Variants in ATPAF1 observed in about 807,000 individuals in gnomAD.
ATPAF1 encodes ATP synthase mitochondrial F1 complex assembly factor 1.
A neutral mutation model predicts 43.9 loss-of-function variants in ATPAF1; 26 were observed. The ratio of observed to expected loss-of-function variants is 0.59; its 90% CI spans 0.43 to 0.82. The LOEUF (loss-of-function observed/expected upper bound fraction) is 0.82, where lower values mean the gene tolerates loss of function less well. ATPAF1 is among the 40% of genes least tolerant of loss of function. ATPAF1 has a pLI of 0.00. For missense variants in ATPAF1, 366 were observed against 435.0 expected, an observed-to-expected ratio of 0.84 and a Z score of 1.41; for synonymous variants, 157 against 168.0, an observed-to-expected ratio of 0.93 and a Z score of 0.50.
At chr1:46,642,076 A>G (rs1261444089) in intron 8 of ATPAF1, among the ~76,000 whole-genome samples, 1 of 152,176 alleles carries the variant, frequency 6.6e-6, no homozygotes, top group African/African-American at 2.4e-5. Flanking sequence ...TTCCTCCTGC[A>G]ATCTTGCCTA....
At chr1:46,649,116 C>G in intron 6 of ATPAF1, among the ~76,000 whole-genome samples, 1 of 134,460 alleles carries the variant, frequency 7.4e-6, no homozygotes, top group Admixed American at 8.3e-5. Flanking sequence ...GAGCTGAGAT[C>G]ATACTACATT....
chr1:46,643,967 GACTTTATC>G (rs1167540159), intron 7 of ATPAF1, among the ~76,000 whole-genome samples: 1 of 152,094 alleles, frequency 6.6e-6, no homozygotes, highest in Non-Finnish European at 1.5e-5. Context: ...AAGATTCCTA[GACTTTATC>G]TCTAAAATTT....
At chr1:46,658,226 T>TAAAAAAAAAAA in intron 3 of ATPAF1, 37 bp from the exon 4 acceptor site, 2 of 1,145,160 alleles carry the variant, frequency 1.7e-6, no homozygotes. Context: ...AACACATAAT[T>TAAAAAAAAAAA]AAAAAAAAAA....
chr1:46,664,006 T>C, intron 2 of ATPAF1: 1 of 812,974 alleles, frequency 1.2e-6, no homozygotes, highest in South Asian at 1.7e-5. Flanking sequence ...TGAAAGAGAA[T>C]AAAAAGTAAT....
chr1:46,635,445 G>A (rs2181411), exon 9 of ATPAF1: 5 of 246,274 alleles, frequency 2.0e-5, no homozygotes, highest in Non-Finnish European at 3.2e-5. Context: ...GGAGCTATAA[G>A]GTCAAAGTGG....
chr1:46,668,105 G>A lies in ATPAF1; in HGVS notation c.218C>T (p.Ala73Val). The stretch of plus-strand genomic sequence containing the variant: ...GCGGTAGCGGTCGTAGAAAGGGTTG[G>A]CCTGGAGCTCGGCCTCGGCCCCGAC... Residue 73 changes from alanine to valine, a missense_variant, in exon 1 of 9, where the codon GCC (alanine) becomes GTC (valine). Physicochemically the swap from Ala to Val is moderately conservative, Grantham distance 64. Around this residue, in one of 2 missense-constraint regions of ATPAF1, gnomAD observed 186 missense variants for 168.5 expected, o/e 1.10. Transcript: ENST00000574428. This position sits in a 1 kb window ranked among gnomAD's most constrained non-coding sequence, Gnocchi z 4.4. The A allele has an allele frequency of 2.1e-6, 3 of 1,449,464 alleles. 1 individual carries two copies. Among genetic ancestry groups the A allele is most frequent in the South Asian group, 2.8e-5 (2 of 72,290 alleles). 89.8% of individuals were successfully genotyped at this position (1,449,464 alleles called of 1,614,324 possible).
In ATPAF1 at chr1:46,653,868, C is replaced by G. The variant is rs1002586088; in HGVS notation, c.490-1G>C. ...TTGCTGCAAAATATTGCTGCCAAAT[C>G]TGTACAAAAAAGAGAGGGGTGTCTG... On this transcript the variant is annotated splice_acceptor_variant, in intron 4 of 8. Transcript: ENST00000574428. LOFTEE classifies it high-confidence loss of function. The surrounding 1 kb of genome is among the most constrained non-coding windows in gnomAD (Gnocchi z 4.8). 1 of 1,610,422 alleles carries G rather than the reference C, an allele frequency of 6.2e-7. No individual in the cohort carries two copies. Among genetic ancestry groups the G allele is most frequent in the Non-Finnish European group, 8.5e-7 (1 of 1,178,536 alleles).
At position 46,653,998 on chromosome 1, in the gene ATPAF1, G is replaced by A. The variant is rs1161985148; in HGVS notation, c.490-131C>T. On this transcript the variant is annotated intron_variant, in intron 4 of 8. Coordinates refer to ENST00000574428, the Ensembl canonical transcript of ATPAF1. The surrounding 1 kb of genome is among the most constrained non-coding windows in gnomAD (Gnocchi z 4.8). ...ACAGAGAGGAAAAACCCAGTATAAC[G>A]CTTTCATTACTAGCACATCACAAAA... is the stretch of plus-strand genomic sequence containing the variant. 3 of 696,530 alleles carry A rather than the reference G, an allele frequency of 4.3e-6. No individual in the cohort carries two copies. The highest frequency in any genetic ancestry group is 2.9e-5 in the Admixed American group (1 of 34,698). 43.1% of individuals were successfully genotyped at this position (696,530 alleles called of 1,614,324 possible).
rs1464465204 is a variant in ATPAF1 at position 46,645,859 on chromosome 1, C to T, written c.589-603G>A. The stretch of plus-strand genomic sequence containing the variant: ...ATATTTTAATACTTTAATGTATATG[C>T]GTATAACTGTAAGTTAAGAAGTAGT... On this transcript the variant is annotated intron_variant, in intron 6 of 8. Transcript: ENST00000574428. Among the ~76,000 whole-genome samples, 4 of 152,116 alleles carry T rather than the reference C, an allele frequency of 2.6e-5. No homozygotes were observed. The East Asian group carries it at 5.8e-4, about 22-fold the overall frequency.
Position 46,658,318 on chromosome 1 carries a change from A to T in ATPAF1, c.427-129T>A, listed in dbSNP as rs551958390. 5.6e-4 allele frequency: 441 copies of T among 784,766 alleles called. 7 individuals are homozygous for T. The South Asian group carries it at 7.7e-3, about 14-fold the overall frequency. 48.6% of individuals were successfully genotyped at this position (784,766 alleles called of 1,614,324 possible). A position where few individuals can be genotyped will look rare whatever the true frequency, so the allele number is the denominator to read the frequency against. On this transcript the variant is annotated intron_variant, in intron 3 of 8. Transcript: ENST00000574428. ...AGATTTCCAAAAGTAGAAAACAAGT[A>T]TAAGAAAACCCACATGCTCAGAGAA...
intron 1 of ATPAF1, among the ~76,000 whole-genome samples, chr1:46,666,999 A>C (rs1676502050): frequency 6.6e-6 from 1 of 152,274 alleles, no homozygotes; most frequent in African/African-American, 2.4e-5. Context: ...AGGGGAATGT[A>C]CATCAAAGAA....
chr1:46,652,489 T>C, intron 6 of ATPAF1, 92 bp downstream of exon 6: 1 of 1,284,832 alleles, frequency 7.8e-7, no homozygotes, highest in Non-Finnish European at 1.1e-6. Context: ...CACTATAACA[T>C]GTGAGACAGT....
chr1:46,648,865 G>C (rs1676106847), intron 6 of ATPAF1, among the ~76,000 whole-genome samples: 1 of 152,020 alleles, frequency 6.6e-6, no homozygotes, highest in African/African-American at 2.4e-5. Flanking sequence ...TGTAACTTCA[G>C]CTACTCACGA....
intron 6 of ATPAF1, among the ~76,000 whole-genome samples, chr1:46,650,735 T>C (rs1003990141): frequency 6.6e-6 from 1 of 151,882 alleles, no homozygotes; most frequent in Non-Finnish European, 1.5e-5. Context: ...ATGGATGAGC[T>C]TGGAGAACAT....
chr1:46,643,640 G>A (rs1675987977), intron 7 of ATPAF1, among the ~76,000 whole-genome samples: 1 of 152,248 alleles, frequency 6.6e-6, no homozygotes, highest in Non-Finnish European at 1.5e-5. Flanking sequence ...CAATGTGCCT[G>A]TGTAATTGCC....
At chr1:46,656,276 A>G (rs1224193606) in intron 4 of ATPAF1, among the ~76,000 whole-genome samples, 5 of 152,214 alleles carry the variant, frequency 3.3e-5, no homozygotes, top group African/African-American at 1.2e-4. Flanking sequence ...GGAGGGTATC[A>G]TAACCAAGGT....
intron 8 of ATPAF1, among the ~76,000 whole-genome samples, chr1:46,640,749 C>T (rs947254548): frequency 6.6e-5 from 10 of 152,254 alleles, no homozygotes; most frequent in African/African-American, 2.4e-4. Context: ...CTGGACTTGG[C>T]CCATAGGCTG....
At chr1:46,636,049 G>A in intron 8 of ATPAF1, 79 bp from the exon 9 acceptor site, 1 of 1,525,116 alleles carries the variant, frequency 6.6e-7, no homozygotes, top group Non-Finnish European at 9.0e-7. Context: ...GGTGGGTGGG[G>A]GCCCTCGCCC....
At chr1:46,659,436 T>TA (rs1676342268) in intron 2 of ATPAF1, among the ~76,000 whole-genome samples, 1 of 151,932 alleles carries the variant, frequency 6.6e-6, no homozygotes, top group African/African-American at 2.4e-5. Context: ...ATGGGAGAGG[T>TA]AAGAAATGGA....
Sources: gnomAD v4.1 joint callset for allele counts (sites outside exome capture counted in the v4.1 genomes callset) on GRCh38, gnomAD v4.1.1 for gene constraint, gnomAD v4.1.1 regional missense constraint, Gnocchi (gnomAD v3.1) non-coding constraint, MANE v1.5 for transcripts, NCBI Gene and HGNC (gene_info 2026-07-23, HGNC 2026-07-21) for gene names.